The following CCNT1 variants were observed in gnomAD, a reference collection of about 807,000 sequenced individuals.
CCNT1 encodes cyclin T1, also known as cyclin-T1.
CCNT1 carries 18 observed loss-of-function variants against 67.3 expected under a neutral mutation model. That is an observed-to-expected ratio of 0.27 (90% CI 0.18 to 0.40). CCNT1 has a LOEUF of 0.40. Ranked by LOEUF, CCNT1 falls within the 10% of genes least tolerant of loss-of-function variation. The probability of loss-of-function intolerance (pLI) is 1.00; values close to 1 mark genes in which losing one functional copy is unlikely to be tolerated. For missense variants in CCNT1, 744 were observed against 884.9 expected, an observed-to-expected ratio of 0.84 and a Z score of 2.02; for synonymous variants, 333 against 310.3, an observed-to-expected ratio of 1.07 and a Z score of -0.77.
At chr12:48,694,667 G>A (rs1940141519) in intron 8 of CCNT1, among the ~76,000 whole-genome samples, 1 of 152,140 alleles carries the variant, frequency 6.6e-6, no homozygotes, top group South Asian at 2.1e-4. Context: ...TAACAACAAA[G>A]AATCTATGCT....
At chr12:48,716,329 C>G (rs978814026) in intron 1 of CCNT1, among the ~76,000 whole-genome samples, 186 bp downstream of exon 1, 30 of 152,260 alleles carry the variant, frequency 2.0e-4, no homozygotes, top group Non-Finnish European at 1.2e-4. Flanking sequence ...AGCGGGAAAT[C>G]AACTCTGCCT....
At position 48,711,681 on chromosome 12, in the gene CCNT1, TAAG is replaced by T. The variant is rs748666191; in HGVS notation, c.243+2759_243+2761del. Among the ~76,000 whole-genome samples, 3 of 151,930 alleles carry T rather than the reference TAAG, an allele frequency of 2.0e-5. No individual in the cohort carries two copies. The East Asian group carries it at 5.8e-4, about 29-fold the overall frequency. ...GCTAACAGGCTTCTCTCTCTTTTAATAAGAAGGATATACTCCTTGCAATCAGAG... is the reference window on the plus strand; with the variant it reads ...GCTAACAGGCTTCTCTCTCTTTTAATAAGGATATACTCCTTGCAATCAGAG... On this transcript the variant is annotated intron_variant, in intron 2 of 8. Transcript: ENST00000261900.
intron 3 of CCNT1, 77 bp downstream of exon 3, chr12:48,705,691 C>T (rs1940345930): frequency 1.8e-6 from 2 of 1,141,994 alleles, no homozygotes; most frequent in Admixed American, 2.2e-5. Context: ...ACATAAAGAT[C>T]CAGGCATGCT....
intron 2 of CCNT1, among the ~76,000 whole-genome samples, chr12:48,708,409 T>C (rs1196922364): frequency 1.3e-5 from 2 of 151,176 alleles, no homozygotes; most frequent in African/African-American, 4.9e-5. Flanking sequence ...TAGCCAGGAG[T>C]GGTGGCACAC....
intron 4 of CCNT1, among the ~76,000 whole-genome samples, 157 bp from the exon 5 acceptor site, chr12:48,699,997 A>G (rs959938374): frequency 2.6e-5 from 4 of 152,196 alleles, no homozygotes; most frequent in Non-Finnish European, 5.9e-5. Flanking sequence ...TTGTCCCATG[A>G]AATATAATTT....
rs1940109660 is a variant in CCNT1 at position 48,693,307 on chromosome 12, T to C, written c.1907A>G (p.His636Arg). 1 of 1,614,210 alleles carries C rather than the reference T, an allele frequency of 6.2e-7. No individual in the cohort carries two copies. The change falls in exon 9 of 9, where the codon CAT (histidine) becomes CGT (arginine). Residue 636 changes from histidine to arginine, a missense_variant. His to Arg is a conservative substitution (Grantham distance 29). This residue lies in a region of CCNT1 where 564 missense variants were observed against 574.2 expected (regional missense o/e 0.98). Coordinates refer to ENST00000261900, the MANE Select transcript of CCNT1 (RefSeq NM_001240.4). Reference sequence around the variant, plus strand: ...AGTGGGCCCTTTATCCAGTTTCGAATGAGGGACACGAGTTTTACAGCTGGG... The same window carrying C: ...AGTGGGCCCTTTATCCAGTTTCGAACGAGGGACACGAGTTTTACAGCTGGG... ...SQPSCKTRVP[H>R]SKLDKGPTGA...
At chr12:48,700,329 A>AAAG (rs1555158132) in intron 4 of CCNT1, among the ~76,000 whole-genome samples, 1 of 151,522 alleles carries the variant, frequency 6.6e-6, no homozygotes, top group Non-Finnish European at 1.5e-5. Context: ...AAAAAAAAAA[A>AAAG]AAAAAGAAAA....
rs1256135999 is a variant in CCNT1, at chr12:48,696,831, C to CTAA, written c.543-672_543-670dup. 4.6e-5 allele frequency among the ~76,000 whole-genome samples: 7 copies of CTAA among 152,106 alleles called. No individual in the cohort carries two copies. In the South Asian group the frequency reaches 1.2e-3, roughly 27 times the overall value. ...GTCATTTGGTAATACAAGTTATGTA[C>CTAA]TAATCATTTACTTTTTTTAGACAGA... On this transcript the variant is annotated intron_variant, in intron 6 of 8. Coordinates refer to ENST00000261900, the MANE Select transcript of CCNT1 (RefSeq NM_001240.4).
chr12:48,696,132 G>A lies in CCNT1; in HGVS notation c.573C>T (p.Tyr191=). The A allele has an allele frequency of 6.3e-7, 1 of 1,597,918 alleles. No homozygotes were observed. ...AGACACAGGCCACCACAGGAGGTGT[G>A]TACTGCAGGCTAAATGTGGTCAAAT... The part of the protein sequence containing the change: ...SLHLTTFSLQ[Y]TPPVVACVCI... Residue 191 remains tyrosine, a synonymous_variant, in exon 7 of 9, where the codon TAC becomes TAT. Coordinates refer to ENST00000261900, the MANE Select transcript of CCNT1 (RefSeq NM_001240.4).
Position 48,692,974 on chromosome 12 carries a change from A to G in CCNT1, c.*59T>C. On this transcript the variant is annotated 3_prime_UTR_variant, in exon 9 of 9. Coordinates refer to ENST00000261900, the MANE Select transcript of CCNT1 (RefSeq NM_001240.4). The stretch of plus-strand genomic sequence containing the variant: ...AAGTAATTTTCTTAGTCCAAAAAAA[A>G]AAAAGAAAAATTATGTGTTTTTTTA... 4.2e-6 allele frequency: 5 copies of G among 1,182,124 alleles called. No individual in the cohort carries two copies. In the East Asian group the frequency reaches 7.7e-5, roughly 18 times the overall value. 73.2% of individuals were successfully genotyped at this position (1,182,124 alleles called of 1,614,324 possible).
rs1940082600 is a variant in CCNT1, at chr12:48,692,013, A to C, written c.*1020T>G. 1 of 151,972 alleles carries C rather than the reference A, an allele frequency of 6.6e-6. No homozygotes were observed. Among genetic ancestry groups the C allele is most frequent in the South Asian group, 2.1e-4 (1 of 4,824 alleles). The allele number at this position is 151,972 out of a possible 1,614,324, so 9.4% of individuals were successfully genotyped here. ...CTGCTCTCATTTGAACACTTTCCCA[A>C]AGCCTCACTTGAAAAAAAAGACACA... On this transcript the variant is annotated 3_prime_UTR_variant, in exon 9 of 9. Transcript: ENST00000261900.
At position 48,714,412 on chromosome 12, in the gene CCNT1, G is replaced by C. The variant is rs756721704; in HGVS notation, c.243+31C>G. 1.1e-5 allele frequency: 15 copies of C among 1,351,432 alleles called. No homozygotes were observed. The Admixed American group carries it at 1.5e-4, about 14-fold the overall frequency. 83.7% of individuals were successfully genotyped at this position (1,351,432 alleles called of 1,614,324 possible). ...TAGGTAGGTGGAATCAATCACAAAAGGATTATATCATATAAAAAAATTATA... is the reference window on the plus strand; with the variant it reads ...TAGGTAGGTGGAATCAATCACAAAACGATTATATCATATAAAAAAATTATA... On this transcript the variant is annotated intron_variant, in intron 2 of 8. Transcript: ENST00000261900.
At chr12:48,702,243 T>C (rs1940282792) in intron 3 of CCNT1, among the ~76,000 whole-genome samples, 1 of 152,218 alleles carries the variant, frequency 6.6e-6, no homozygotes, top group African/African-American at 2.4e-5. Context: ...TTGCAGAACC[T>C]TCCTACAGTA....
At chr12:48,701,936 G>A (rs1300372305) in intron 3 of CCNT1, among the ~76,000 whole-genome samples, 1 of 149,024 alleles carries the variant, frequency 6.7e-6, no homozygotes, top group African/African-American at 2.5e-5. Flanking sequence ...TCGCTCTGCT[G>A]CTCAGGCTGG....
intron 2 of CCNT1, among the ~76,000 whole-genome samples, chr12:48,711,094 A>C (rs1164218271): frequency 6.6e-6 from 1 of 151,756 alleles, no homozygotes; most frequent in Admixed American, 6.6e-5. Flanking sequence ...ATAACTTAAA[A>C]GATAAGGCTG....
In CCNT1 at chr12:48,701,004, T is replaced by C; in HGVS notation, c.433+9A>G. Reference sequence around the variant, plus strand: ...TTTAAAAAAATGTTTCAAAGGAAAATAAACTTACCTAAAGTCTGCAAAATT... The same window carrying C: ...TTTAAAAAAATGTTTCAAAGGAAAACAAACTTACCTAAAGTCTGCAAAATT... On this transcript the variant is annotated intron_variant, in intron 4 of 8. Coordinates refer to ENST00000261900, the MANE Select transcript of CCNT1 (RefSeq NM_001240.4). 1 of 1,484,964 alleles carries C rather than the reference T, an allele frequency of 6.7e-7. No individual in the cohort carries two copies. The highest frequency in any genetic ancestry group is 9.2e-7 in the Non-Finnish European group (1 of 1,085,536). 92.0% of individuals were successfully genotyped at this position (1,484,964 alleles called of 1,614,324 possible). A position where few individuals can be genotyped will look rare whatever the true frequency, so the allele number is the denominator to read the frequency against.
intron 4 of CCNT1, 122 bp downstream of exon 4, chr12:48,700,891 T>C: frequency 1.7e-6 from 1 of 586,774 alleles, no homozygotes; most frequent in South Asian, 2.3e-5. Flanking sequence ...CTCTATCATC[T>C]GGAAACAGAG....
intron 3 of CCNT1, among the ~76,000 whole-genome samples, chr12:48,702,382 CAGCCAAAGCTAT>C (rs1311978892): frequency 6.6e-6 from 1 of 152,242 alleles, no homozygotes; most frequent in Non-Finnish European, 1.5e-5. Flanking sequence ...AGATTTGTGC[CAGCCAAAGCTAT>C]AGCCACTAGC....
chr12:48,706,244 C>T (rs1029768962), intron 2 of CCNT1, among the ~76,000 whole-genome samples: 9 of 152,054 alleles, frequency 5.9e-5, no homozygotes, highest in East Asian at 1.9e-4. Flanking sequence ...GTCCAGAATA[C>T]GCAAATCCAT....
Sources: gnomAD v4.1 joint callset for allele counts (sites outside exome capture counted in the v4.1 genomes callset) on GRCh38, gnomAD v4.1.1 for gene constraint, gnomAD v4.1.1 regional missense constraint, MANE v1.5 for transcripts, NCBI Gene and HGNC (gene_info 2026-07-23, HGNC 2026-07-21) for gene names.